ITGA9: variants seen among roughly 807,000 people sequenced by gnomAD.
ITGA9 encodes integrin alpha-9.
Under a neutral mutation model 127.8 loss-of-function variants are expected in ITGA9, and 56 were observed. The observed-to-expected ratio is 0.44, with a 90% CI of 0.35 to 0.55. The LOEUF (loss-of-function observed/expected upper bound fraction) is 0.55. ITGA9 is among the 20% of genes least tolerant of loss of function. ITGA9 has a pLI of 0.00. For synonymous variants in ITGA9, 508 were observed against 514.5 expected, an observed-to-expected ratio of 0.99 and a Z score of 0.17; for missense variants, 1,196 against 1,347.1, an observed-to-expected ratio of 0.89 and a Z score of 1.76.
chr3:37,729,654 A>C (rs17036835), intron 18 of ITGA9, among the ~76,000 whole-genome samples: 1 of 151,286 alleles, frequency 6.6e-6, no homozygotes, highest in African/African-American at 2.4e-5. Flanking sequence ...TATTTCACAC[A>C]TGCAAAAACT....
intron 18 of ITGA9, among the ~76,000 whole-genome samples, chr3:37,685,897 A>G (rs1294466504): frequency 6.6e-6 from 1 of 152,196 alleles, no homozygotes; most frequent in Admixed American, 6.5e-5. Flanking sequence ...AGCCTCCTGT[A>G]TCTTGCTTTG....
chr3:37,728,118 G>C (rs919766831), intron 18 of ITGA9, among the ~76,000 whole-genome samples: 5 of 152,286 alleles, frequency 3.3e-5, no homozygotes, highest in Admixed American at 2.6e-4. Context: ...ATAACCATCA[G>C]CCTTGATAAA....
rs1325868696 is a variant in ITGA9 at position 37,452,285 on chromosome 3, G to A, written c.-90G>A. 7.0e-6 allele frequency: 5 copies of A among 714,786 alleles called. No homozygotes were observed. Among genetic ancestry groups the A allele is most frequent in the Admixed American group, 6.2e-5 (1 of 16,136 alleles). The allele number at this position is 714,786 out of a possible 1,614,324, so 44.3% of individuals were successfully genotyped here. ...TGTCCAGGCGCAGAGCTCCCGCCCC[G>A]GGGAGCTTCCTGGCCGTCGGCGGGC... On this transcript the variant is annotated 5_prime_UTR_variant, in exon 1 of 28. Coordinates refer to ENST00000264741, the MANE Select transcript of ITGA9 (RefSeq NM_002207.3). The surrounding 1 kb of genome is among the most constrained non-coding windows in gnomAD (Gnocchi z 7.3).
chr3:37,647,504 A>G (rs971342427), intron 16 of ITGA9, among the ~76,000 whole-genome samples: 1 of 150,584 alleles, frequency 6.6e-6, no homozygotes, highest in Non-Finnish European at 1.5e-5. Flanking sequence ...TTTATTGTCA[A>G]ATTTCCAGTA....
intron 23 of ITGA9, among the ~76,000 whole-genome samples, chr3:37,766,832 A>G (rs939467183): frequency 6.6e-6 from 1 of 151,850 alleles, no homozygotes; most frequent in Admixed American, 6.5e-5. Context: ...TAACATATTT[A>G]TGTATCGCTT....
chr3:37,452,679 A>C lies in ITGA9; in HGVS notation c.185+120A>C. 41 of 844,212 alleles carry C rather than the reference A, an allele frequency of 4.9e-5. No homozygotes were observed. The highest frequency in any genetic ancestry group is 1.5e-4 in the East Asian group (4 of 26,034). 52.3% of individuals were successfully genotyped at this position (844,212 alleles called of 1,614,324 possible). A position where few individuals can be genotyped will look rare whatever the true frequency, so the allele number is the denominator to read the frequency against. On this transcript the variant is annotated intron_variant, in intron 1 of 27. Transcript: ENST00000264741. This position sits in a 1 kb window ranked among gnomAD's most constrained non-coding sequence, Gnocchi z 7.3. Reference sequence around the variant, plus strand: ...CCGCCGTCCCGAGGGGGCGATTTAAATGTCTCCGTTGCGCGCGGCTCGGCC... The same window carrying C: ...CCGCCGTCCCGAGGGGGCGATTTAACTGTCTCCGTTGCGCGCGGCTCGGCC...
chr3:37,724,295 T>C (rs1487863611), intron 18 of ITGA9, among the ~76,000 whole-genome samples: 2 of 152,166 alleles, frequency 1.3e-5, no homozygotes, highest in Admixed American at 1.3e-4. Flanking sequence ...CAAATTCTTA[T>C]CCTTTCAAGA....
chr3:37,736,348 C>T (rs1696362214), intron 19 of ITGA9, among the ~76,000 whole-genome samples: 1 of 152,192 alleles, frequency 6.6e-6, no homozygotes, highest in Non-Finnish European at 1.5e-5. Flanking sequence ...TCTCTATCAC[C>T]AGCAAATCTC....
chr3:37,772,294 G>A (rs542544257), intron 23 of ITGA9, among the ~76,000 whole-genome samples: 1 of 152,144 alleles, frequency 6.6e-6, no homozygotes, highest in East Asian at 1.9e-4. Flanking sequence ...TGTAATTCCA[G>A]CTACTGGGGA....
intron 15 of ITGA9, among the ~76,000 whole-genome samples, chr3:37,609,622 T>A (rs571015983): frequency 6.6e-6 from 1 of 152,320 alleles, no homozygotes; most frequent in East Asian, 1.9e-4. Context: ...CCAAACTTAA[T>A]GATGTAAAAC....
At chr3:37,688,038 G>A (rs536914382) in intron 18 of ITGA9, among the ~76,000 whole-genome samples, 4 of 152,204 alleles carry the variant, frequency 2.6e-5, no homozygotes, top group Non-Finnish European at 2.9e-5. Context: ...CTGGAGGACC[G>A]ATCCCCCAGC....
rs998742676 is a variant in ITGA9 at position 37,822,758 on chromosome 3, A to G, written c.*3769A>G. On this transcript the variant is annotated 3_prime_UTR_variant, in exon 28 of 28. Coordinates refer to ENST00000264741, the MANE Select transcript of ITGA9 (RefSeq NM_002207.3). ...TGTATGCTACCTGTTGAACCCTAGCATGGTGGCTTTTTAAAAGGTTATTTA... is the reference window on the plus strand; with the variant it reads ...TGTATGCTACCTGTTGAACCCTAGCGTGGTGGCTTTTTAAAAGGTTATTTA... The G allele has an allele frequency of 6.6e-6, 1 of 152,190 alleles. No homozygotes were observed. Among genetic ancestry groups the G allele is most frequent in the African/African-American group, 2.4e-5 (1 of 41,448 alleles). The allele number at this position is 152,190 out of a possible 1,614,324, so 9.4% of individuals were successfully genotyped here.
At chr3:37,591,001 C>T (rs986282898) in intron 15 of ITGA9, among the ~76,000 whole-genome samples, 1 of 152,158 alleles carries the variant, frequency 6.6e-6, no homozygotes, top group Non-Finnish European at 1.5e-5. Context: ...CCTGCTCTGC[C>T]CCACCCTGTC....
At chr3:37,466,597 G>C (rs1007493073) in intron 1 of ITGA9, among the ~76,000 whole-genome samples, 14 of 150,822 alleles carry the variant, frequency 9.3e-5, no homozygotes, top group African/African-American at 2.7e-4. Flanking sequence ...TCTTCTACTG[G>C]CTCCAAATGA....
Position 37,510,024 on chromosome 3 carries a change from CT to C in ITGA9, c.897+1414del, listed in dbSNP as rs5848025. Among the ~76,000 whole-genome samples the C allele has an allele frequency of 4.9e-3, 674 of 136,202 alleles. 8 individuals are homozygous for C. Among genetic ancestry groups the C allele is most frequent in the Admixed American group, 0.022 (294 of 13,468 alleles). The allele number at this position is 136,202 out of a possible 152,430, so 89.4% of individuals were successfully genotyped here. ...TTGAAAGCCTAAAGGTAAAGGATTC[CT>C]TTTTTTTTTTTTTTTTGAGACAGAG... On this transcript the variant is annotated intron_variant, in intron 8 of 27. Transcript: ENST00000264741.
Position 37,741,801 on chromosome 3 carries a change from T to C in ITGA9, c.2306T>C (p.Val769Ala), listed in dbSNP as rs200123350. The change falls in exon 21 of 28, where the codon GTG (valine) becomes GCG (alanine). Residue 769 changes from valine to alanine, a missense_variant. Coordinates refer to ENST00000264741, the MANE Select transcript of ITGA9 (RefSeq NM_002207.3). Reference sequence around the variant, plus strand: ...CTGATGGTGCCACTGATGCACGAGGTGGACACGTCCATCACCGGGTGAGTA... The same window carrying C: ...CTGATGGTGCCACTGATGCACGAGGCGGACACGTCCATCACCGGGTGAGTA... ...LVLMVPLMHE[V>A]DTSITGIMSP... 1 of 1,613,464 alleles carries C rather than the reference T, an allele frequency of 6.2e-7. No individual in the cohort carries two copies. The highest frequency in any genetic ancestry group is 2.2e-5 in the East Asian group (1 of 44,836).
At chr3:37,628,712 C>T (rs1011473841) in intron 15 of ITGA9, among the ~76,000 whole-genome samples, 1 of 152,160 alleles carries the variant, frequency 6.6e-6, no homozygotes, top group Non-Finnish European at 1.5e-5. Context: ...ATCCTTGCCT[C>T]CGCTGATGTC....
chr3:37,693,160 T>G (rs1281852462), intron 18 of ITGA9, among the ~76,000 whole-genome samples: 1 of 152,170 alleles, frequency 6.6e-6, no homozygotes, highest in African/African-American at 2.4e-5. Context: ...CGGTTGGCCA[T>G]AAGTCACTGA....
chr3:37,789,473 C>T (rs568505395), intron 26 of ITGA9, among the ~76,000 whole-genome samples: 16 of 151,924 alleles, frequency 1.1e-4, no homozygotes, highest in East Asian at 1.9e-4. Flanking sequence ...TAAGAGTATG[C>T]GCTCAGCCAG....
Sources: gnomAD v4.1 joint callset for allele counts (sites outside exome capture counted in the v4.1 genomes callset) on GRCh38, gnomAD v4.1.1 for gene constraint, Gnocchi (gnomAD v3.1) non-coding constraint, MANE v1.5 for transcripts, NCBI Gene and HGNC (gene_info 2026-07-23, HGNC 2026-07-21) for gene names.